Variants in CBLC observed in about 807,000 individuals in gnomAD.
CBLC encodes the protein E3 ubiquitin-protein ligase CBL-C.
Under a neutral mutation model 58.6 loss-of-function variants are expected in CBLC, and 46 were observed. The ratio of observed to expected loss-of-function variants is 0.79; its 90% CI spans 0.62 to 1.00. The LOEUF (loss-of-function observed/expected upper bound fraction) is 1.00, where lower values mean the gene tolerates loss of function less well. Ranked by LOEUF, CBLC falls within the 50% of genes least tolerant of loss-of-function variation. The pLI, the probability that CBLC is intolerant of heterozygous loss-of-function variation, is 0.00. For missense variants in CBLC, 655 were observed against 625.8 expected, an observed-to-expected ratio of 1.05 and a Z score of -0.50; for synonymous variants, 271 against 264.2, an observed-to-expected ratio of 1.03 and a Z score of -0.25.
intron 5 of CBLC, 59 bp from the exon 6 acceptor site, chr19:44,789,945 C>T (rs913176340): frequency 2.7e-6 from 3 of 1,096,594 alleles, no homozygotes; most frequent in Non-Finnish European, 4.2e-6. Flanking sequence ...GGTACTTGTT[C>T]ATCTGGGGGT....
chr19:44,778,336 T>C (rs1251757354), intron 1 of CBLC, 52 bp downstream of exon 1: 10 of 1,319,322 alleles, frequency 7.6e-6, no homozygotes, highest in Admixed American at 8.1e-5. Flanking sequence ...CAGGTCTTGC[T>C]CCCAGCCCCT....
chr19:44,792,604 AT>A, intron 7 of CBLC, 90 bp downstream of exon 7: 4 of 1,340,078 alleles, frequency 3.0e-6, no homozygotes, highest in Non-Finnish European at 3.0e-6. Context: ...CATTGATCAT[AT>A]GGGGAAACCG....
At chr19:44,779,141 G>T (rs963409147) in intron 1 of CBLC, among the ~76,000 whole-genome samples, 1 of 152,172 alleles carries the variant, frequency 6.6e-6, no homozygotes, top group Non-Finnish European at 1.5e-5. Context: ...CTGATTCAAA[G>T]TTTTCTAGAT....
chr19:44,799,706 A>G (rs749146877), intron 9 of CBLC, among the ~76,000 whole-genome samples: 51 of 149,208 alleles, frequency 3.4e-4, no homozygotes, highest in African/African-American at 1.2e-3. Context: ...GAGAGAGAGA[A>G]AGAAAGGGAG....
At chr19:44,785,206 A>T (rs1459972484) in intron 5 of CBLC, among the ~76,000 whole-genome samples, 1 of 149,692 alleles carries the variant, frequency 6.7e-6, no homozygotes, top group East Asian at 2.0e-4. Context: ...CGAACTCCTG[A>T]CCTCATGATC....
At chr19:44,783,482 C>G (rs1426253724) in intron 4 of CBLC, among the ~76,000 whole-genome samples, 1 of 151,488 alleles carries the variant, frequency 6.6e-6, no homozygotes, top group Non-Finnish European at 1.5e-5. Flanking sequence ...GCACTCCTGC[C>G]TGGGCAACAA....
At chr19:44,793,354 T>G in intron 7 of CBLC, 120 bp from the exon 8 acceptor site, 1 of 1,099,678 alleles carries the variant, frequency 9.1e-7, no homozygotes, top group Non-Finnish European at 1.2e-6. Context: ...TCTCCTTCCG[T>G]CTCCCTTCCT....
In CBLC at chr19:44,792,502, G is replaced by A. The variant is rs746891746; in HGVS notation, c.1125G>A (p.Leu375=). ...PCGHLLCSCC[L]AAWQHSDSQT... ...GGCACCTGCTCTGCAGCTGCTGCCT[G>A]GCTGCCTGGCAGGTGGGTCTGACCC... is the stretch of plus-strand genomic sequence containing the variant. The change falls in exon 7 of 11, where the codon CTG becomes CTA. Residue 375 remains leucine (L), a synonymous_variant. Transcript: ENST00000647358. 9.4e-6 allele frequency: 15 copies of A among 1,600,846 alleles called. No individual in the cohort carries two copies. The highest frequency in any genetic ancestry group is 1.3e-5 in the Non-Finnish European group (15 of 1,175,096).
chr19:44,791,322 A>G (rs1420931265), intron 6 of CBLC, among the ~76,000 whole-genome samples: 1 of 151,088 alleles, frequency 6.6e-6, no homozygotes, highest in Non-Finnish European at 1.5e-5. Flanking sequence ...AAAAAAAAAA[A>G]GAAAGAAAGA....
intron 4 of CBLC, among the ~76,000 whole-genome samples, chr19:44,783,958 C>T (rs1024542305): frequency 6.6e-6 from 1 of 152,234 alleles, no homozygotes; most frequent in Admixed American, 6.5e-5. Flanking sequence ...ACTCCCATCA[C>T]TGTGGTCAGG....
Position 44,798,279 on chromosome 19 carries a change from C to T in CBLC, c.1363-2102C>T, listed in dbSNP as rs181639110. The stretch of plus-strand genomic sequence containing the variant: ...CCGTGTTGCCGAAGTTGGTCTCTAA[C>T]TCCTGGGCTCAAGTCTCCCAAAGTG... On this transcript the variant is annotated intron_variant, in intron 9 of 10. Transcript: ENST00000647358. Among the ~76,000 whole-genome samples the T allele has an allele frequency of 3.6e-3, 552 of 151,528 alleles. 15 individuals are homozygous for T. The highest frequency in any genetic ancestry group is 0.031 in the Admixed American group (471 of 15,250).
Position 44,793,552 on chromosome 19 carries a change from G to C in CBLC, c.1216G>C (p.Gly406Arg), listed in dbSNP as rs368494441. The change falls in exon 8 of 11, where the codon GGT (glycine) becomes CGT (arginine). Residue 406 changes from glycine to arginine, a missense_variant. By Grantham distance (125) the Gly-to-Arg change is moderately radical. Transcript: ENST00000647358. ...GGCCGTGAGTATCTACCAGTTCCAC[G>C]GTCAGGCTACTGCTGAGGACTCAGG... Reference protein sequence around the residue: ...WEAVSIYQFHGQATAEDSGNS... With the variant: ...WEAVSIYQFHRQATAEDSGNS... 2.5e-6 allele frequency: 4 copies of C among 1,611,806 alleles called. No individual in the cohort carries two copies. Among genetic ancestry groups the C allele is most frequent in the Non-Finnish European group, 3.4e-6 (4 of 1,179,354 alleles).
At chr19:44,796,967 C>T (rs772063362) in intron 9 of CBLC, among the ~76,000 whole-genome samples, 33 of 152,114 alleles carry the variant, frequency 2.2e-4, no homozygotes, top group Non-Finnish European at 1.2e-4. Context: ...ATCCAACCTG[C>T]CGCCAAAAGC....
intron 5 of CBLC, among the ~76,000 whole-genome samples, chr19:44,787,774 G>A (rs376764041): frequency 2.0e-5 from 3 of 148,472 alleles, no homozygotes; most frequent in East Asian, 2.0e-4. Context: ...CCGAGATCAC[G>A]CCATTGCCCT....
At chr19:44,780,396 A>T (rs1398191363) in intron 1 of CBLC, among the ~76,000 whole-genome samples, 1 of 151,564 alleles carries the variant, frequency 6.6e-6, no homozygotes, top group Non-Finnish European at 1.5e-5. Flanking sequence ...TCAGCCTCCC[A>T]GAGTGCTGGG....
At chr19:44,797,615 T>G (rs1599875688) in intron 9 of CBLC, among the ~76,000 whole-genome samples, 1 of 141,508 alleles carries the variant, frequency 7.1e-6, no homozygotes. Context: ...TCTAGCGGAG[T>G]GTGGTGGCGT....
intron 1 of CBLC, among the ~76,000 whole-genome samples, chr19:44,778,486 AGCC>A: frequency 3.6e-4 from 2 of 5,590 alleles, no homozygotes; most frequent in African/African-American, 4.6e-3. Context: ...TCCAGGCCCC[AGCC>A]CCTCCTCCCT....
intron 9 of CBLC, 67 bp downstream of exon 9, chr19:44,794,348 C>A: frequency 6.7e-7 from 1 of 1,497,016 alleles, no homozygotes; most frequent in East Asian, 2.3e-5. Flanking sequence ...CCTGGTTCAC[C>A]TGTGCACTCA....
At position 44,793,471 on chromosome 19, in the gene CBLC, C is replaced by T; in HGVS notation, c.1138-3C>T. On this transcript the variant is annotated splice_polypyrimidine_tract_variant and splice_region_variant and intron_variant, in intron 7 of 10. Coordinates refer to ENST00000647358, the MANE Select transcript of CBLC (RefSeq NM_012116.4). ...TGACCCTTTCCCTCCCGACCTCCCC[C>T]AGCACTCGGACAGCCAGACCTGCCC... 2 of 1,604,474 alleles carry T rather than the reference C, an allele frequency of 1.2e-6. No homozygotes were observed. The highest frequency in any genetic ancestry group is 8.5e-7 in the Non-Finnish European group (1 of 1,176,178).
Sources: allele counts gnomAD v4.1 joint callset (sites outside exome capture counted in the v4.1 genomes callset), GRCh38; gene constraint gnomAD v4.1.1; transcripts MANE v1.5; gene names NCBI Gene and HGNC (gene_info 2026-07-23, HGNC 2026-07-21).